The following RYR3 variants were observed in gnomAD, a reference collection of about 807,000 sequenced individuals.
RYR3 encodes the protein brain ryanodine receptor-calcium release channel.
A neutral mutation model predicts 584.3 loss-of-function variants in RYR3; 207 were observed. The observed-to-expected ratio is 0.35, with a 90% CI of 0.32 to 0.40. The LOEUF (loss-of-function observed/expected upper bound fraction) is 0.40, where lower values mean the gene tolerates loss of function less well. Ranked by LOEUF, RYR3 falls within the 10% of genes least tolerant of loss-of-function variation. RYR3 has a pLI of 1.00. For missense variants in RYR3, 5,616 were observed against 6,089.2 expected, an observed-to-expected ratio of 0.92 and a Z score of 2.59; for synonymous variants, 2,416 against 2,248.5, an observed-to-expected ratio of 1.07 and a Z score of -2.11.
chr15:33,828,805 CAGA>C (rs371330176), intron 85 of RYR3, among the ~76,000 whole-genome samples: 3 of 152,294 alleles, frequency 2.0e-5, no homozygotes, highest in East Asian at 3.9e-4. Context: ...GCAAGTTACC[CAGA>C]AGATCTATCT....
intron 1 of RYR3, among the ~76,000 whole-genome samples, chr15:33,332,881 T>G (rs74666379): frequency 0.094 from 14,254 of 152,012 alleles, 734 homozygotes; most frequent in Middle Eastern, 0.14. Context: ...ATAATAAATC[T>G]CACTATTTAC....
intron 1 of RYR3, among the ~76,000 whole-genome samples, chr15:33,326,415 TG>T (rs1969708053): frequency 6.6e-6 from 1 of 152,164 alleles, no homozygotes; most frequent in South Asian, 2.1e-4. Flanking sequence ...TCTTAAAGTG[TG>T]GTCAGAGAGT....
chr15:33,546,820 T>C (rs930133208), intron 8 of RYR3, among the ~76,000 whole-genome samples: 1 of 152,154 alleles, frequency 6.6e-6, no homozygotes, highest in East Asian at 1.9e-4. Context: ...AAAAAATAAG[T>C]ATACATTTTC....
At chr15:33,465,131 C>T (rs541344241) in intron 1 of RYR3, among the ~76,000 whole-genome samples, 63 of 152,228 alleles carry the variant, frequency 4.1e-4, no homozygotes, top group Admixed American at 9.8e-4. Context: ...TTGGTTCATC[C>T]GTTCATCTGT....
At chr15:33,584,331 C>A in intron 14 of RYR3, 64 bp from the exon 15 acceptor site, 1 of 848,720 alleles carries the variant, frequency 1.2e-6, no homozygotes. Flanking sequence ...CGACAGCTTT[C>A]CAAGTTCTCA....
intron 38 of RYR3, among the ~76,000 whole-genome samples, chr15:33,694,807 G>A (rs1176327372): frequency 6.6e-6 from 1 of 152,086 alleles, no homozygotes; most frequent in East Asian, 1.9e-4. Context: ...CTCTGACTTG[G>A]GTGTCCTTTT....
At chr15:33,702,075 T>C (rs192311186) in intron 42 of RYR3, among the ~76,000 whole-genome samples, 181 of 152,284 alleles carry the variant, frequency 1.2e-3, no homozygotes, top group Admixed American at 2.8e-3. Context: ...AGCCCTTTCA[T>C]TGTTGCCTGC....
rs1435115 is a variant in RYR3, at chr15:33,475,804, G to A, written c.171+2266G>A. Among the ~76,000 whole-genome samples the A allele has an allele frequency of 5.8e-3, 881 of 152,296 alleles. 2 individuals carry two copies. The highest frequency in any genetic ancestry group is 0.02 in the African/African-American group (828 of 41,556). ...TATAAGATTGCTGTCAGGATCAAAT[G>A]GGTTCGTAAATCGCCTAGTGCATTG... On this transcript the variant is annotated intron_variant, in intron 2 of 103. Coordinates refer to ENST00000634891, the MANE Select transcript of RYR3 (RefSeq NM_001036.6).
intron 67 of RYR3, among the ~76,000 whole-genome samples, chr15:33,793,514 A>G (rs1180836033): frequency 2.0e-5 from 3 of 152,122 alleles, no homozygotes; most frequent in South Asian, 4.1e-4. Flanking sequence ...AAACCCAGGT[A>G]TGGTCAAAGG....
chr15:33,488,552 C>A (rs2050680959), intron 2 of RYR3, among the ~76,000 whole-genome samples: 1 of 150,390 alleles, frequency 6.6e-6, no homozygotes, highest in Non-Finnish European at 1.5e-5. Flanking sequence ...TAGAACTTGA[C>A]TTTTAAGAAC....
intron 1 of RYR3, among the ~76,000 whole-genome samples, chr15:33,435,969 G>A (rs1596128892): frequency 6.6e-6 from 1 of 152,140 alleles, no homozygotes; most frequent in East Asian, 1.9e-4. Context: ...GTTCTGATTC[G>A]TCAATTTTAC....
chr15:33,805,771 C>T (rs919473969), intron 69 of RYR3, among the ~76,000 whole-genome samples: 21 of 152,266 alleles, frequency 1.4e-4, no homozygotes, highest in Non-Finnish European at 2.2e-4. Context: ...GCCACCACAC[C>T]CGGCCTTCTC....
At chr15:33,643,651 C>T (rs1018832013) in intron 27 of RYR3, among the ~76,000 whole-genome samples, 1 of 152,108 alleles carries the variant, frequency 6.6e-6, no homozygotes, top group African/African-American at 2.4e-5. Flanking sequence ...TAGAATCCTA[C>T]TCTCGAAACG....
At chr15:33,716,391 G>A (rs1035801897) in intron 43 of RYR3, among the ~76,000 whole-genome samples, 6 of 151,996 alleles carry the variant, frequency 3.9e-5, no homozygotes, top group East Asian at 1.9e-4. Context: ...TACCTTCTTC[G>A]TTCTCCCACT....
chr15:33,700,802 A>T (rs1278751631), intron 41 of RYR3, among the ~76,000 whole-genome samples, 175 bp from the exon 42 acceptor site: 1 of 152,186 alleles, frequency 6.6e-6, no homozygotes, highest in Non-Finnish European at 1.5e-5. Context: ...GAGGAAGGAT[A>T]GCTAATAGAG....
chr15:33,636,544 G>A lies in RYR3; in HGVS notation c.3550G>A (p.Glu1184Lys). ...ACTTGCCTTCGCTGACTACGAGATT[G>A]AGAATGGTAAATCTAACACCCTCTG... ...SELAFADYEI[E>K]NGFVPICCLG... The change falls in exon 27 of 104, where the codon GAG becomes AAG. Residue 1184 changes from glutamate (E) to lysine (K), a missense_variant. Glu to Lys is a moderately conservative substitution (Grantham distance 56). This residue lies in a region of RYR3 where 152 missense variants were observed against 200.9 expected (regional missense o/e 0.76). Transcript: ENST00000634891. 2.5e-6 allele frequency: 4 copies of A among 1,586,672 alleles called. No individual in the cohort carries two copies. The South Asian group carries it at 4.7e-5, about 19-fold the overall frequency.
At chr15:33,431,234 T>C (rs2045114183) in intron 1 of RYR3, among the ~76,000 whole-genome samples, 1 of 152,180 alleles carries the variant, frequency 6.6e-6, no homozygotes, top group South Asian at 2.1e-4. Context: ...AGTACTCCCA[T>C]ATCCATGGGA....
In RYR3 at chr15:33,699,720, T is replaced by C; in HGVS notation, c.6266T>C (p.Met2089Thr). 1.2e-6 allele frequency: 2 copies of C among 1,613,786 alleles called. No individual in the cohort carries two copies. The highest frequency in any genetic ancestry group is 1.7e-6 in the Non-Finnish European group (2 of 1,179,784). The change falls in exon 41 of 104, where the codon ATG (methionine) becomes ACG (threonine). Residue 2089 changes from methionine to threonine, a missense_variant. Transcript: ENST00000634891. Reference protein sequence around the residue: ...TEKSQIAFPKMVASCCRFLCY... With the variant: ...TEKSQIAFPKTVASCCRFLCY... ...TCCCTACAGATTGCATTTCCAAAGATGGTTGCTAGCTGCTGCCGTTTCCTT... is the reference window on the plus strand; with the variant it reads ...TCCCTACAGATTGCATTTCCAAAGACGGTTGCTAGCTGCTGCCGTTTCCTT...
In RYR3 at chr15:33,448,176, G is replaced by A. The variant is rs1373664032; in HGVS notation, c.52-25243G>A. ...TGACTTGAGGTGGCTGAGTCTTCCA[G>A]TGAGGGCCTCCGGGAGGATAAGCAG... On this transcript the variant is annotated intron_variant, in intron 1 of 103. Coordinates refer to ENST00000634891, the MANE Select transcript of RYR3 (RefSeq NM_001036.6). Among the ~76,000 whole-genome samples, 9 of 152,100 alleles carry A rather than the reference G, an allele frequency of 5.9e-5. 1 individual carries two copies. The highest frequency in any genetic ancestry group is 3.9e-4 in the Admixed American group (6 of 15,276).
Sources: gnomAD v4.1 joint callset for allele counts (sites outside exome capture counted in the v4.1 genomes callset) on GRCh38, gnomAD v4.1.1 for gene constraint, gnomAD v4.1.1 regional missense constraint, MANE v1.5 for transcripts, NCBI Gene and HGNC (gene_info 2026-07-23, HGNC 2026-07-21) for gene names.